The following TCF20 variants were observed in gnomAD, a reference collection of about 807,000 sequenced individuals.
TCF20 encodes SPRE-binding protein.
A neutral mutation model predicts 148.6 loss-of-function variants in TCF20; 3 were observed. The observed-to-expected ratio is 0.02, with a 90% CI of 0.01 to 0.05. TCF20 has a LOEUF of 0.05. Ranked by LOEUF, TCF20 falls within the 10% of genes least tolerant of loss-of-function variation. The probability of loss-of-function intolerance (pLI) is 1.00; values close to 1 mark genes in which losing one functional copy is unlikely to be tolerated. For synonymous variants in TCF20, 1,049 were observed against 909.5 expected (o/e 1.15, Z -2.76); for missense variants, 2,350 against 2,429.3 (o/e 0.97, Z 0.69).
chr22:42,330,707 T>G (rs1927958506), intron 1 of TCF20, among the ~76,000 whole-genome samples: 1 of 152,160 alleles, frequency 6.6e-6, no homozygotes, highest in African/African-American at 2.4e-5. Flanking sequence ...GGGCCTGCCT[T>G]GAGGGCTGTG....
chr22:42,206,105 A>G lies in TCF20; in HGVS notation c.5655+3546T>C, dbSNP rs1026261044. Among the ~76,000 whole-genome samples the G allele has an allele frequency of 3.3e-5, 5 of 152,162 alleles. No individual in the cohort carries two copies. The South Asian group carries it at 6.2e-4, about 19-fold the overall frequency. On this transcript the variant is annotated intron_variant, in intron 2 of 5. Transcript: ENST00000677622. ...CTGAATTGAGACACAGGATCTAGAG[A>G]TTTGCTGGGGAAGATTTAGCCTGAT...
chr22:42,175,143 G>A (rs762539335), intron 3 of TCF20, among the ~76,000 whole-genome samples: 5 of 151,966 alleles, frequency 3.3e-5, no homozygotes, highest in African/African-American at 7.3e-5. Context: ...ACAATATTAC[G>A]ATGTAACTAG....
chr22:42,187,780 C>T (rs185705097), intron 2 of TCF20, among the ~76,000 whole-genome samples: 5 of 152,310 alleles, frequency 3.3e-5, no homozygotes, highest in Admixed American at 3.3e-4. Context: ...TTCTGTACTT[C>T]ATCTACCAAA....
Position 42,199,014 on chromosome 22 carries a change from C to T in TCF20, c.5655+10637G>A, listed in dbSNP as rs1003852278. 3.3e-5 allele frequency among the ~76,000 whole-genome samples: 5 copies of T among 152,062 alleles called. No homozygotes were observed. In the South Asian group the frequency reaches 6.2e-4, roughly 19 times the overall value. On this transcript the variant is annotated intron_variant, in intron 2 of 5. Transcript: ENST00000677622. Reference sequence around the variant, plus strand: ...GTTGATTGAATCTAAGAATGCAGAACCCATGAATATGGGAAGCTAACTGTA... The same window carrying T: ...GTTGATTGAATCTAAGAATGCAGAATCCATGAATATGGGAAGCTAACTGTA...
chr22:42,287,098 G>A (rs1927046232), upstream of TCF20, among the ~76,000 whole-genome samples: 1 of 151,984 alleles, frequency 6.6e-6, no homozygotes, highest in Non-Finnish European at 1.5e-5. Context: ...TGGATAGGAG[G>A]GTATGGGCAC....
intron 1 of TCF20, among the ~76,000 whole-genome samples, chr22:42,258,470 C>T (rs1463625298): frequency 6.6e-6 from 1 of 152,122 alleles, no homozygotes; most frequent in Non-Finnish European, 1.5e-5. Flanking sequence ...AATCCAACAT[C>T]CTCTCACTCT....
rs1927258597 is a variant in TCF20 at position 42,297,561 on chromosome 22, G to C, written c.-37+45918C>G. ...TGGAGGGGCCAGACACTGGGGAGGG[G>C]CAGTTCACAGGGTCAGCCATGAAAG... On this transcript the variant is annotated intron_variant, in intron 1 of 1. Coordinates refer to the TCF20 transcript ENST00000515426. This position sits in a 1 kb window ranked among gnomAD's most constrained non-coding sequence, Gnocchi z 4.3. Among the ~76,000 whole-genome samples, 2 of 152,226 alleles carry C rather than the reference G, an allele frequency of 1.3e-5. No homozygotes were observed. The highest frequency in any genetic ancestry group is 4.8e-5 in the African/African-American group (2 of 41,470).
Position 42,247,556 on chromosome 22 carries a change from C to T in TCF20, c.-37+22783G>A, listed in dbSNP as rs367834477. Among the ~76,000 whole-genome samples, 84 of 151,904 alleles carry T rather than the reference C, an allele frequency of 5.5e-4. 2 individuals are homozygous for T. In the South Asian group the frequency reaches 0.016, roughly 29 times the overall value. On this transcript the variant is annotated intron_variant, in intron 1 of 5. Coordinates refer to ENST00000677622, the MANE Select transcript of TCF20 (RefSeq NM_001378418.1). ...GCAGCAGAGGATACAACTGGGGAAA[C>T]CAGGAGATGTGGTTAGAGAGGCAGG...
rs747631432 is a variant in TCF20, at chr22:42,212,430, T to G, written c.2876A>C (p.Glu959Ala). ...DHCHPPSIKH[E>A]SYRGNASPGA... ...AGGGCTGGCATTGCCGCGGTAAGAC[T>G]CATGCTTGATGCTAGGAGGATGGCA... Residue 959 changes from glutamate to alanine, a missense_variant, in exon 2 of 6, where the codon GAG (glutamate) becomes GCG (alanine). Physicochemically the swap from Glu to Ala is moderately radical, Grantham distance 107 (BLOSUM62 -1). This residue lies in a region of TCF20 where 1,641 missense variants were observed against 1,662.6 expected (regional missense o/e 0.99). Transcript: ENST00000677622. 2 of 1,614,212 alleles carry G rather than the reference T, an allele frequency of 1.2e-6. No homozygotes were observed. The highest frequency in any genetic ancestry group is 1.7e-6 in the Non-Finnish European group (2 of 1,180,034).
At position 42,211,614 on chromosome 22, in the gene TCF20, T is replaced by A. The variant is rs1920968494; in HGVS notation, c.3692A>T (p.Lys1231Ile). 1.9e-6 allele frequency: 3 copies of A among 1,614,084 alleles called. No homozygotes were observed. The highest frequency in any genetic ancestry group is 2.5e-6 in the Non-Finnish European group (3 of 1,180,038). ...HGLAEATQSS[K>I]PGSVMLRLPG... Reference sequence around the variant, plus strand: ...AAGTCTCAGCATAACACTACCAGGTTTGGATGACTGTGTAGCCTCAGCTAG... The same window carrying A: ...AAGTCTCAGCATAACACTACCAGGTATGGATGACTGTGTAGCCTCAGCTAG... The change falls in exon 2 of 6, where the codon AAA becomes ATA. Residue 1231 changes from lysine to isoleucine, a missense_variant. Physicochemically the swap from Lys to Ile is moderately radical, Grantham distance 102. Around this residue, in one of 7 missense-constraint regions of TCF20, gnomAD observed 1,641 missense variants for 1,662.6 expected, o/e 0.99. Transcript: ENST00000677622.
intron 1 of TCF20, among the ~76,000 whole-genome samples, chr22:42,280,578 A>G (rs1926880202): frequency 6.6e-6 from 1 of 152,212 alleles, no homozygotes. Flanking sequence ...GAGACTATTA[A>G]GCTAATACAT....
At chr22:42,340,385 C>A (rs1360271556) in intron 1 of TCF20, among the ~76,000 whole-genome samples, 1 of 152,194 alleles carries the variant, frequency 6.6e-6, no homozygotes, top group African/African-American at 2.4e-5. Context: ...TCCCTTCCCG[C>A]GGTAGCCTGC....
chr22:42,234,616 A>G (rs886461701), intron 1 of TCF20, among the ~76,000 whole-genome samples: 3 of 152,192 alleles, frequency 2.0e-5, no homozygotes, highest in Non-Finnish European at 4.4e-5. Flanking sequence ...TTAAGTGTCC[A>G]TAAGCTAAAA....
At chr22:42,312,268 T>C (rs6002681) in intron 1 of TCF20, among the ~76,000 whole-genome samples, 25,564 of 152,104 alleles carry the variant, frequency 0.17, 3,696 homozygotes, top group African/African-American at 0.39. Flanking sequence ...GGTCCCCCAG[T>C]AGTCAGCGGG....
chr22:42,303,625 A>G (rs1352005409), intron 1 of TCF20, among the ~76,000 whole-genome samples: 2 of 152,208 alleles, frequency 1.3e-5, no homozygotes, highest in Non-Finnish European at 2.9e-5. Context: ...TCCTCCCATG[A>G]TGGCCAGCCA....
At chr22:42,312,688 C>A (rs1179338894) in intron 1 of TCF20, among the ~76,000 whole-genome samples, 1 of 152,112 alleles carries the variant, frequency 6.6e-6, no homozygotes, top group Non-Finnish European at 1.5e-5. Flanking sequence ...CTGTCAGGTC[C>A]CGGTCACCCC....
At chr22:42,197,473 C>T (rs1937655295) in intron 2 of TCF20, among the ~76,000 whole-genome samples, 1 of 152,096 alleles carries the variant, frequency 6.6e-6, no homozygotes, top group African/African-American at 2.4e-5. Context: ...CAGGTGCCCG[C>T]CACCACGCCC....
intron 1 of TCF20, among the ~76,000 whole-genome samples, chr22:42,245,333 C>T (rs1423581020): frequency 6.6e-6 from 1 of 152,074 alleles, no homozygotes; most frequent in Non-Finnish European, 1.5e-5. Flanking sequence ...ATCCTCCCAC[C>T]TAGCATCCCA....
At chr22:42,334,330 G>A (rs1175404583) in intron 1 of TCF20, among the ~76,000 whole-genome samples, 1 of 152,198 alleles carries the variant, frequency 6.6e-6, no homozygotes, top group Admixed American at 6.5e-5. Context: ...GGCTCTAGGA[G>A]GTTTGGTGTC....
Sources: gnomAD v4.1 joint callset for allele counts (sites outside exome capture counted in the v4.1 genomes callset) on GRCh38, gnomAD v4.1.1 for gene constraint, gnomAD v4.1.1 regional missense constraint, Gnocchi (gnomAD v3.1) non-coding constraint, MANE v1.5 for transcripts, NCBI Gene and HGNC (gene_info 2026-07-23, HGNC 2026-07-21) for gene names.